CBARP: variants seen among roughly 807,000 people sequenced by gnomAD.
CBARP encodes voltage-dependent calcium channel beta subunit-associated regulatory protein.
A neutral mutation model predicts 36.3 loss-of-function variants in CBARP; 24 were observed. The ratio of observed to expected loss-of-function variants is 0.66; its 90% CI spans 0.48 to 0.93. CBARP has a LOEUF of 0.93. CBARP is among the 40% of genes least tolerant of loss of function. The pLI, the probability that CBARP is intolerant of heterozygous loss-of-function variation, is 0.00. For missense variants in CBARP, 1,146 were observed against 980.4 expected (o/e 1.17, Z -2.26); for synonymous variants, 586 against 453.2 (o/e 1.29, Z -3.72).
chr19:1,232,959 A>G (rs542599481), intron 8 of CBARP, among the ~76,000 whole-genome samples: 2 of 152,370 alleles, frequency 1.3e-5, no homozygotes, highest in Non-Finnish European at 2.9e-5. Context: ...GCCTCGGCCA[A>G]GGTCACACAG....
Position 1,230,095 on chromosome 19 carries a change from G to C in CBARP, c.1202C>G (p.Pro401Arg), listed in dbSNP as rs764636287. 1.9e-6 allele frequency: 2 copies of C among 1,080,460 alleles called. No homozygotes were observed. Among genetic ancestry groups the C allele is most frequent in the Non-Finnish European group, 2.3e-6 (2 of 884,820 alleles). 66.9% of individuals were successfully genotyped at this position (1,080,460 alleles called of 1,614,324 possible). A position where few individuals can be genotyped will look rare whatever the true frequency, so the allele number is the denominator to read the frequency against. ...AAGGASPDSP[P>R]ERGAGSAGPE... ...CCCCGCGCTGCCCGCGCCGCGCTCC[G>C]GGGGGGAATCGGGGCTCGCTCCTCC... The change falls in exon 10 of 10, where the codon CCG becomes CGG. Residue 401 changes from proline (P) to arginine (R), a missense_variant. Transcript: ENST00000650044.
At chr19:1,234,041 C>G (rs758099866) in intron 7 of CBARP, 150 bp downstream of exon 7, 3 of 979,212 alleles carry the variant, frequency 3.1e-6, no homozygotes, top group Non-Finnish European at 4.2e-6. Flanking sequence ...GGCCGGCTCC[C>G]TCTTTCTCCC....
In CBARP at chr19:1,233,430, C is replaced by A; in HGVS notation, c.975G>T (p.Thr325=). ...EPSQRAASLD[T]RGSPKRHHFQ... ...CCACCAGGTGCTACAGCTCACCTCT[C>A]GTGTCCAGACTGGCTGCCCGCTGGC... The change falls in exon 8 of 10, where the codon ACG becomes ACT. Residue 325 remains threonine, a synonymous_variant. Coordinates refer to ENST00000650044, the MANE Select transcript of CBARP (RefSeq NM_001393918.1). The A allele has an allele frequency of 6.3e-7, 1 of 1,588,142 alleles. No homozygotes were observed. Among genetic ancestry groups the A allele is most frequent in the South Asian group, 1.1e-5 (1 of 87,768 alleles).
intron 4 of CBARP, 99 bp downstream of exon 4, chr19:1,235,402 G>C: frequency 1.5e-6 from 2 of 1,299,660 alleles, no homozygotes; most frequent in Non-Finnish European, 2.1e-6. Flanking sequence ...TGGTGGGGGA[G>C]ACAGACAGAC....
chr19:1,234,111 C>T (rs1028278570), intron 7 of CBARP, 80 bp downstream of exon 7: 291 of 1,395,948 alleles, frequency 2.1e-4, no homozygotes, highest in Non-Finnish European at 2.6e-4. Flanking sequence ...ATAGGTTGAC[C>T]TTGGTCCTGG....
intron 7 of CBARP, 114 bp downstream of exon 7, chr19:1,234,077 G>C: frequency 7.9e-7 from 1 of 1,267,478 alleles, no homozygotes; most frequent in Non-Finnish European, 1.0e-6. Flanking sequence ...GCGGGCCAAG[G>C]AGGGCTGCGG....
In CBARP at chr19:1,231,157, G is replaced by A. The variant is rs374648311; in HGVS notation, c.1098C>T (p.Ala366=). 1.5e-5 allele frequency: 24 copies of A among 1,600,972 alleles called. No individual in the cohort carries two copies. Among genetic ancestry groups the A allele is most frequent in the South Asian group, 6.6e-5 (6 of 90,770 alleles). ...FIQYIARAGD[A]VAFPHPRPFL... ...AGGGGCGGGGGTGCGGGAAGGCCAC[G>A]GCGTCGCCCGCCCGGGCAATGTACT... The change falls in exon 9 of 10, where the codon GCC becomes GCT. Residue 366 remains alanine, a synonymous_variant. Coordinates refer to ENST00000650044, the MANE Select transcript of CBARP (RefSeq NM_001393918.1).
chr19:1,234,433 T>C, intron 6 of CBARP, 102 bp from the exon 7 acceptor site: 7 of 1,432,676 alleles, frequency 4.9e-6, no homozygotes, highest in Non-Finnish European at 6.4e-6. Flanking sequence ...CTTGGCCCCC[T>C]GCCCTGCTCC....
At position 1,233,439 on chromosome 19, in the gene CBARP, A is replaced by G. The variant is rs998345565; in HGVS notation, c.966T>C (p.Ser322=). Residue 322 remains serine (S), a synonymous_variant, in exon 8 of 10, where the codon AGT becomes AGC. Coordinates refer to ENST00000650044, the MANE Select transcript of CBARP (RefSeq NM_001393918.1). The part of the protein sequence containing the change: ...WKLEPSQRAA[S]LDTRGSPKRH... The stretch of plus-strand genomic sequence containing the variant: ...GCTACAGCTCACCTCTCGTGTCCAG[A>G]CTGGCTGCCCGCTGGCTGGGCTCCA... 3.8e-6 allele frequency: 6 copies of G among 1,592,696 alleles called. No homozygotes were observed. In the African/African-American group the frequency reaches 5.4e-5, roughly 14 times the overall value.
In CBARP at chr19:1,235,045, C is replaced by T. The variant is rs61746461; in HGVS notation, c.411G>A (p.Ala137=). 9.9e-5 allele frequency: 160 copies of T among 1,611,276 alleles called. 4 individuals carry two copies. Among genetic ancestry groups the T allele is most frequent in the Middle Eastern group, 8.5e-4 (5 of 5,884 alleles). ...TCTTGCGGCTCTGCTCAAACAGCGC[C>T]GCCTCATTGAAGGAGACCCGGCGGC... ...STGRRVSFNE[A]ALFEQSRKTQ... is the part of the protein sequence containing the mutation. The change falls in exon 5 of 10, where the codon GCG becomes GCA. Residue 137 remains alanine (A), a synonymous_variant. Transcript: ENST00000650044.
intron 6 of CBARP, 31 bp downstream of exon 6, chr19:1,234,540 G>T (rs373046882): frequency 6.4e-7 from 1 of 1,570,884 alleles, no homozygotes; most frequent in South Asian, 1.2e-5. Context: ...CCCGTCCCCC[G>T]AGGAACCGGG....
chr19:1,232,949 G>A (rs1296437372), intron 8 of CBARP, among the ~76,000 whole-genome samples: 1 of 152,266 alleles, frequency 6.6e-6, no homozygotes, highest in Non-Finnish European at 1.5e-5. Flanking sequence ...CAGGCAGAGG[G>A]CCTCGGCCAA....
At chr19:1,230,564 G>A (rs1040966623) in intron 9 of CBARP, 11 of 1,107,346 alleles carry the variant, frequency 9.9e-6, no homozygotes, top group African/African-American at 4.9e-5. Context: ...CCAGCAGGAG[G>A]ACAGTGCACA....
chr19:1,233,628 G>A lies in CBARP; in HGVS notation c.777C>T (p.Ala259=), dbSNP rs376305853. The A allele has an allele frequency of 1.6e-4, 263 of 1,607,972 alleles. No homozygotes were observed. The highest frequency in any genetic ancestry group is 2.1e-4 in the Non-Finnish European group (244 of 1,177,938). ...CTCCAGCCTTGGTGCTCCTGGTACC[G>A]GCATCCAACTGGCAGGGAACAGAGA... ...SDSGEGTSLD[A]GTRSTKAGGP... The change falls in exon 8 of 10, where the codon GCC becomes GCT. Residue 259 remains alanine, a synonymous_variant. Coordinates refer to ENST00000650044, the MANE Select transcript of CBARP (RefSeq NM_001393918.1).
At chr19:1,236,901 C>A (rs544886510) in intron 1 of CBARP, among the ~76,000 whole-genome samples, 1 of 150,428 alleles carries the variant, frequency 6.6e-6, no homozygotes, top group East Asian at 2.0e-4. Context: ...GCAAGATGGC[C>A]GCGGCCGCCT....
At chr19:1,238,392 T>G (rs2081005155), upstream of CBARP, 1 of 152,530 alleles carries the variant, frequency 6.6e-6, no homozygotes, top group East Asian at 1.9e-4. Context: ...CCCCGCCTGC[T>G]TCCCCACGCA....
At chr19:1,230,236 G>T in intron 9 of CBARP, 94 bp from the exon 10 acceptor site, 1 of 994,044 alleles carries the variant, frequency 1.0e-6, no homozygotes, top group Non-Finnish European at 1.2e-6. Flanking sequence ...GGTGGACGCG[G>T]GTGGGACTTG....
chr19:1,231,036 G>T (rs201218608), intron 9 of CBARP, 65 bp downstream of exon 9: 155 of 1,556,760 alleles, frequency 1.0e-4, no homozygotes, highest in Admixed American at 4.4e-4. Context: ...GGCCGCCTAG[G>T]GGGGGGCGAA....
At chr19:1,237,207 G>C (rs180766861) in intron 1 of CBARP, among the ~76,000 whole-genome samples, 235 of 152,380 alleles carry the variant, frequency 1.5e-3, no homozygotes, top group African/African-American at 5.5e-3. Flanking sequence ...GAGGCCCAAA[G>C]CCGGGCAGGG....
Sources: allele counts gnomAD v4.1 joint callset (sites outside exome capture counted in the v4.1 genomes callset), GRCh38; gene constraint gnomAD v4.1.1; transcripts MANE v1.5; gene names NCBI Gene and HGNC (gene_info 2026-07-23, HGNC 2026-07-21).